Variants in TMEM132A observed in about 807,000 individuals in gnomAD.
TMEM132A encodes GRP78-binding protein.
A neutral mutation model predicts 69.9 loss-of-function variants in TMEM132A; 48 were observed. That is an observed-to-expected ratio of 0.69 (90% CI 0.55 to 0.87). The LOEUF is 0.87. Among genes scored for constraint, TMEM132A ranks in the 40% least tolerant of loss-of-function variants. The pLI is 0.00. For synonymous variants in TMEM132A, 577 were observed against 613.7 expected (o/e 0.94, Z 0.88); for missense variants, 1,287 against 1,407.2 (o/e 0.91, Z 1.37).
chr11:60,926,988 G>A (rs1856359607), intron 1 of TMEM132A: 4 of 616,312 alleles, frequency 6.5e-6, no homozygotes, highest in Non-Finnish European at 1.2e-5. Flanking sequence ...TCCAGTCCTG[G>A]ACTCAGATTC....
rs541300779 is a variant in TMEM132A, at chr11:60,924,562, G to T, written c.-72G>T. The T allele has an allele frequency of 1.2e-4, 160 of 1,282,536 alleles. No individual in the cohort carries two copies. In the East Asian group the frequency reaches 4.6e-3, roughly 37 times the overall value. 79.4% of individuals were successfully genotyped at this position (1,282,536 alleles called of 1,614,324 possible). ...GGGCCAGGTGGGGACGGCGCGGAGCGGGTGCGGGAGATGCCGTGCGGGACT... is the reference window on the plus strand; with the variant it reads ...GGGCCAGGTGGGGACGGCGCGGAGCTGGTGCGGGAGATGCCGTGCGGGACT... On this transcript the variant is annotated 5_prime_UTR_variant, in exon 1 of 11. Coordinates refer to ENST00000453848, the MANE Select transcript of TMEM132A (RefSeq NM_178031.3).
In TMEM132A at chr11:60,936,316, GGAGGAGGAGGAA is replaced by G. The variant is rs748603385; in HGVS notation, c.2493_2504del (p.Glu832_Glu835del). 4.2e-5 allele frequency: 68 copies of G among 1,613,738 alleles called. No homozygotes were observed. Among genetic ancestry groups the G allele is most frequent in the Non-Finnish European group, 5.5e-5 (65 of 1,179,782 alleles). On this transcript the variant is annotated inframe_deletion, in exon 11 of 11. Coordinates refer to ENST00000453848, the MANE Select transcript of TMEM132A (RefSeq NM_178031.3). The stretch of plus-strand genomic sequence containing the variant: ...GGAAGGAGGAGACCGAAGCCAGGGA[GGAGGAGGAGGAA>G]GAGGAGGAGGAGATGGTCCCTGCCC...
At position 60,928,783 on chromosome 11, in the gene TMEM132A, A is replaced by G. The variant is rs1233737686; in HGVS notation, c.689A>G (p.Gln230Arg). ...GGCGAGGAGAACGACCCTGGGGAGC[A>G]GGCCCTCCCAGTGGGGGGTGTGGAG... is the stretch of plus-strand genomic sequence containing the variant. ...GSGEENDPGE[Q>R]ALPVGGVELR... is the part of the protein sequence containing the mutation. Residue 230 changes from glutamine to arginine, a missense_variant, in exon 4 of 11, where the codon CAG becomes CGG. Transcript: ENST00000453848. 1 of 1,610,068 alleles carries G rather than the reference A, an allele frequency of 6.2e-7. No individual in the cohort carries two copies.
Position 60,936,172 on chromosome 11 carries a change from C to T in TMEM132A, c.2337C>T (p.Ser779=). Residue 779 remains serine, a synonymous_variant, in exon 11 of 11, where the codon AGC becomes AGT. Coordinates refer to ENST00000453848, the MANE Select transcript of TMEM132A (RefSeq NM_178031.3). ...CTCCAGCCCCTGCTCTCCCATCCAG[C>T]CCTGCTTGGAGCCCACCAGCCACAG... ...ASTPAPALPS[S]PAWSPPATEA... 1 of 1,613,936 alleles carries T rather than the reference C, an allele frequency of 6.2e-7. No individual in the cohort carries two copies. Among genetic ancestry groups the T allele is most frequent in the South Asian group, 1.1e-5 (1 of 91,074 alleles).
intron 7 of TMEM132A, 66 bp from the exon 8 acceptor site, chr11:60,933,476 C>G: frequency 9.9e-6 from 14 of 1,413,582 alleles, no homozygotes; most frequent in Non-Finnish European, 1.3e-5. Context: ...GAGCCACCCA[C>G]CCGGCCCAGC....
At position 60,935,487 on chromosome 11, in the gene TMEM132A, T is replaced by C. The variant is rs1356794283; in HGVS notation, c.2028+44T>C. 1.3e-6 allele frequency: 2 copies of C among 1,541,134 alleles called. No individual in the cohort carries two copies. The highest frequency in any genetic ancestry group is 2.7e-5 in the African/African-American group (2 of 73,900). ...GGGGGATGAGGTCAACATCTCCAGATGGGGGCTCATGGTAGAGGGGAATGG... is the reference window on the plus strand; with the variant it reads ...GGGGGATGAGGTCAACATCTCCAGACGGGGGCTCATGGTAGAGGGGAATGG... On this transcript the variant is annotated intron_variant, in intron 10 of 10. Coordinates refer to ENST00000453848, the MANE Select transcript of TMEM132A (RefSeq NM_178031.3). The surrounding 1 kb of genome is among the most constrained non-coding windows in gnomAD (Gnocchi z 5.0).
chr11:60,930,476 C>A (rs755435039), intron 4 of TMEM132A, 34 bp from the exon 5 acceptor site: 2 of 1,559,584 alleles, frequency 1.3e-6, no homozygotes, highest in East Asian at 2.3e-5. Flanking sequence ...TCAGCATGCA[C>A]CTTGCCAAAC....
intron 3 of TMEM132A, 136 bp downstream of exon 3, chr11:60,927,995 C>G (rs1488545345): frequency 1.4e-6 from 1 of 712,056 alleles, no homozygotes; most frequent in Non-Finnish European, 2.3e-6. Context: ...TCTGCCCCCA[C>G]TAGCTTTCAG....
intron 4 of TMEM132A, 22 bp downstream of exon 4, chr11:60,928,982 T>C (rs755808356): frequency 1.2e-6 from 2 of 1,609,260 alleles, no homozygotes; most frequent in South Asian, 2.2e-5. Flanking sequence ...GCCACGGGGA[T>C]GGGTGAGGGT....
chr11:60,928,887 G>A lies in TMEM132A; in HGVS notation c.793G>A (p.Val265Met), dbSNP rs539239034. 1.1e-4 allele frequency: 176 copies of A among 1,612,832 alleles called. 2 individuals carry two copies. The South Asian group carries it at 1.8e-3, about 17-fold the overall frequency. The stretch of plus-strand genomic sequence containing the variant: ...GACTCTGCGGGTGCCTGACATGCCA[G>A]TGCGGCCCGGCCAGCTCTTTAGTGC... Reference protein sequence around the residue: ...AVTLRVPDMPVRPGQLFSATL... With the variant: ...AVTLRVPDMPMRPGQLFSATL... Residue 265 changes from valine to methionine, a missense_variant, in exon 4 of 11, where the codon GTG becomes ATG. Physicochemically the swap from Val to Met is conservative, Grantham distance 21 (BLOSUM62 1). Coordinates refer to ENST00000453848, the MANE Select transcript of TMEM132A (RefSeq NM_178031.3).
chr11:60,935,201 G>A lies in TMEM132A; in HGVS notation c.1837-51G>A. ...GGGAGCACCCGGTTCCCTCTGGGTGGGGGCTGTCTGTATGGAAGGCCCCCC... is the reference window on the plus strand; with the variant it reads ...GGGAGCACCCGGTTCCCTCTGGGTGAGGGCTGTCTGTATGGAAGGCCCCCC... On this transcript the variant is annotated intron_variant, in intron 9 of 10. Coordinates refer to ENST00000453848, the MANE Select transcript of TMEM132A (RefSeq NM_178031.3). This position sits in a 1 kb window ranked among gnomAD's most constrained non-coding sequence, Gnocchi z 5.0. 6.5e-7 allele frequency: 1 copy of A among 1,533,302 alleles called. No homozygotes were observed. The highest frequency in any genetic ancestry group is 1.9e-5 in the Admixed American group (1 of 51,700). 95.0% of individuals were successfully genotyped at this position (1,533,302 alleles called of 1,614,324 possible).
At position 60,924,561 on chromosome 11, in the gene TMEM132A, C is replaced by A; in HGVS notation, c.-73C>A. On this transcript the variant is annotated 5_prime_UTR_variant, in exon 1 of 11. Transcript: ENST00000453848. ...CGGGCCAGGTGGGGACGGCGCGGAG[C>A]GGGTGCGGGAGATGCCGTGCGGGAC... The A allele has an allele frequency of 1.6e-6, 2 of 1,263,178 alleles. No individual in the cohort carries two copies. Among genetic ancestry groups the A allele is most frequent in the Non-Finnish European group, 1.1e-6 (1 of 929,916 alleles). 78.2% of individuals were successfully genotyped at this position (1,263,178 alleles called of 1,614,324 possible). A position where few individuals can be genotyped will look rare whatever the true frequency, so the allele number is the denominator to read the frequency against.
At position 60,936,692 on chromosome 11, in the gene TMEM132A, C is replaced by G. The variant is rs529138358; in HGVS notation, c.2857C>G (p.Arg953Gly). 2 of 1,565,402 alleles carry G rather than the reference C, an allele frequency of 1.3e-6. No homozygotes were observed. The highest frequency in any genetic ancestry group is 1.4e-5 in the African/African-American group (1 of 73,308). The change falls in exon 11 of 11, where the codon CGA becomes GGA. Residue 953 changes from arginine to glycine, a missense_variant. By Grantham distance (125) the Arg-to-Gly change is moderately radical. Coordinates refer to ENST00000453848, the MANE Select transcript of TMEM132A (RefSeq NM_178031.3). ...CACCAGCTCCTCAAGCACCCTGGCCCGAAAGGAGGCTGGGGGGCGGCGGAA... is the reference window on the plus strand; with the variant it reads ...CACCAGCTCCTCAAGCACCCTGGCCGGAAAGGAGGCTGGGGGGCGGCGGAA... ...GTTSSSSTLA[R>G]KEAGGRRKRV...
Position 60,927,679 on chromosome 11 carries a change from A to G in TMEM132A, c.354A>G (p.Pro118=), listed in dbSNP as rs1354572732. ...GAGTCACTGAGCCCCACCAACGGCC[A>G]GTCCCATGGGACGTGCGGGCCGTTT... The part of the protein sequence containing the change: ...PPRVTEPHQR[P]VPWDVRAVSV... Residue 118 remains proline (P), a synonymous_variant, in exon 3 of 11, where the codon CCA becomes CCG. Transcript: ENST00000453848. 5 of 1,613,272 alleles carry G rather than the reference A, an allele frequency of 3.1e-6. No individual in the cohort carries two copies. Among genetic ancestry groups the G allele is most frequent in the Non-Finnish European group, 4.2e-6 (5 of 1,180,012 alleles).
Position 60,937,021 on chromosome 11 carries a change from C to T in TMEM132A, c.*114C>T. The stretch of plus-strand genomic sequence containing the variant: ...GTGCTTGTTGATCCAAGTCCCCTGC[C>T]TGGTCCCCCACAAGGACTCCCATCC... On this transcript the variant is annotated 3_prime_UTR_variant, in exon 11 of 11. Coordinates refer to ENST00000453848, the MANE Select transcript of TMEM132A (RefSeq NM_178031.3). 7.8e-7 allele frequency: 1 copy of T among 1,282,762 alleles called. No homozygotes were observed. Among genetic ancestry groups the T allele is most frequent in the South Asian group, 1.6e-5 (1 of 64,420 alleles). The allele number at this position is 1,282,762 out of a possible 1,614,324, so 79.5% of individuals were successfully genotyped here.
At chr11:60,931,380 G>A (rs536753745) in intron 5 of TMEM132A, among the ~76,000 whole-genome samples, 2 of 152,196 alleles carry the variant, frequency 1.3e-5, no homozygotes, top group Non-Finnish European at 2.9e-5. Context: ...TGTGGAAAGC[G>A]GAAGTCTGGG....
chr11:60,929,050 G>A, intron 4 of TMEM132A, 90 bp downstream of exon 4: 1 of 1,370,758 alleles, frequency 7.3e-7, no homozygotes, highest in Non-Finnish European at 1.0e-6. Context: ...GTCCTTGCTG[G>A]AATCCTTGAC....
chr11:60,926,540 G>C (rs1856349798), intron 1 of TMEM132A: 1 of 154,512 alleles, frequency 6.5e-6, no homozygotes, highest in Non-Finnish European at 1.4e-5. Context: ...GTGCTCCTTT[G>C]TCCTTCTGAT....
Position 60,935,349 on chromosome 11 carries a change from TG to T in TMEM132A, c.1937del (p.Gly646AlafsTer4), listed in dbSNP as rs1469976887. Reference sequence around the variant, plus strand: ...CTGGAGCTGAGGGTGCAGCCAGTGATGGGCATCTCGCTGACCTTGAGCCGGG... The same window carrying T: ...CTGGAGCTGAGGGTGCAGCCAGTGATGGCATCTCGCTGACCTTGAGCCGGG... ...SVLELRVQPV[M>X]GISLTLSRGT... On this transcript the variant is annotated frameshift_variant, in exon 10 of 11. Transcript: ENST00000453848. LOFTEE classifies it high-confidence loss of function. The surrounding 1 kb of genome is among the most constrained non-coding windows in gnomAD (Gnocchi z 5.0). 2 of 1,612,894 alleles carry T rather than the reference TG, an allele frequency of 1.2e-6. No homozygotes were observed. The highest frequency in any genetic ancestry group is 2.7e-5 in the African/African-American group (2 of 74,864).
Sources: gnomAD v4.1 joint callset for allele counts (sites outside exome capture counted in the v4.1 genomes callset) on GRCh38, gnomAD v4.1.1 for gene constraint, Gnocchi (gnomAD v3.1) non-coding constraint, MANE v1.5 for transcripts, NCBI Gene and HGNC (gene_info 2026-07-23, HGNC 2026-07-21) for gene names.